TAS2R1: variants seen among roughly 807,000 people sequenced by gnomAD.
TAS2R1 encodes taste receptor type 2 member 1.
For missense variants in TAS2R1, 370 were observed against 353.4 expected, an observed-to-expected ratio of 1.05 and a Z score of -0.38; for synonymous variants, 141 against 134.2, an observed-to-expected ratio of 1.05 and a Z score of -0.35.
chr5:9,829,938 C>T, the TAS2R1 span, among the ~76,000 whole-genome samples: 1 of 152,192 alleles, frequency 6.6e-6, no homozygotes, highest in Non-Finnish European at 1.5e-5. Flanking sequence ...CTAGTCATTC[C>T]TCTAAGAATA....
chr5:9,676,645 C>T (rs1166471040), intron 1 of TAS2R1, among the ~76,000 whole-genome samples: 2 of 151,982 alleles, frequency 1.3e-5, no homozygotes, highest in Non-Finnish European at 1.5e-5. Flanking sequence ...TGCAATACTA[C>T]AAAACTTCTA....
the TAS2R1 span, among the ~76,000 whole-genome samples, chr5:9,853,271 C>T: frequency 9.7e-4 from 148 of 152,330 alleles, 1 homozygote; most frequent in Admixed American, 2.7e-3. Context: ...GTTACAGCTT[C>T]GTGACTGCTC....
intron 2 of TAS2R1, among the ~76,000 whole-genome samples, chr5:9,643,188 T>C (rs1270928954): frequency 2.0e-5 from 3 of 152,192 alleles, no homozygotes; most frequent in African/African-American, 7.2e-5. Flanking sequence ...AAGTAATCGA[T>C]AGACAATTCC....
chr5:9,855,447 C>T, the TAS2R1 span, among the ~76,000 whole-genome samples: 1 of 152,206 alleles, frequency 6.6e-6, no homozygotes, highest in Non-Finnish European at 1.5e-5. Context: ...TGAAGCTCTC[C>T]ATCCTCAGTC....
intron 1 of TAS2R1, among the ~76,000 whole-genome samples, chr5:9,707,672 G>T (rs868277808): frequency 6.6e-6 from 1 of 151,918 alleles, no homozygotes; most frequent in African/African-American, 2.4e-5. Context: ...GACAGAGTGA[G>T]ACTCTGTCTC....
At chr5:9,751,035 C>T in the TAS2R1 span, among the ~76,000 whole-genome samples, 1 of 151,458 alleles carries the variant, frequency 6.6e-6, no homozygotes, top group Admixed American at 6.6e-5. Context: ...ATGACCAGGG[C>T]ATGCAGAATA....
chr5:9,656,243 G>T (rs1013371833), intron 2 of TAS2R1, among the ~76,000 whole-genome samples: 1 of 152,122 alleles, frequency 6.6e-6, no homozygotes, highest in African/African-American at 2.4e-5. Context: ...GAAAATTATC[G>T]AGTATCAGCA....
intron 1 of TAS2R1, among the ~76,000 whole-genome samples, chr5:9,695,604 G>GC (rs1428619662): frequency 6.6e-6 from 1 of 152,126 alleles, no homozygotes; most frequent in Non-Finnish European, 1.5e-5. Flanking sequence ...TGGGAGTATG[G>GC]CTGCATAGAG....
the TAS2R1 span, among the ~76,000 whole-genome samples, chr5:9,730,272 T>C: frequency 6.6e-6 from 1 of 152,172 alleles, no homozygotes; most frequent in Non-Finnish European, 1.5e-5. Context: ...AGGTGCAGTT[T>C]CTCCACCATT....
At chr5:9,827,132 CT>C in the TAS2R1 span, among the ~76,000 whole-genome samples, 1 of 152,196 alleles carries the variant, frequency 6.6e-6, no homozygotes, top group African/African-American at 2.4e-5. Flanking sequence ...CAGGCACCAG[CT>C]TGAGTTCATC....
chr5:9,702,538 C>G (rs1049856435), intron 1 of TAS2R1, among the ~76,000 whole-genome samples: 2 of 152,140 alleles, frequency 1.3e-5, no homozygotes, highest in Non-Finnish European at 2.9e-5. Flanking sequence ...TAGATAAAGA[C>G]TGGAAATGAT....
At chr5:9,636,261 G>A (rs1231712019) in intron 2 of TAS2R1, among the ~76,000 whole-genome samples, 1 of 151,978 alleles carries the variant, frequency 6.6e-6, no homozygotes, top group African/African-American at 2.4e-5. Flanking sequence ...GTTCCTTATG[G>A]AGTTAATTTC....
chr5:9,675,806 A>C (rs968983774), intron 1 of TAS2R1, among the ~76,000 whole-genome samples: 3 of 152,174 alleles, frequency 2.0e-5, no homozygotes, highest in African/African-American at 4.8e-5. Flanking sequence ...GCAAACAGAA[A>C]TCATTTTACT....
At chr5:9,832,057 C>G in the TAS2R1 span, among the ~76,000 whole-genome samples, 10 of 152,322 alleles carry the variant, frequency 6.6e-5, no homozygotes, top group Admixed American at 3.9e-4. Context: ...TCTCTTTCAT[C>G]TACATAACCT....
the TAS2R1 span, among the ~76,000 whole-genome samples, chr5:9,823,367 T>C: frequency 6.6e-6 from 1 of 152,184 alleles, no homozygotes; most frequent in African/African-American, 2.4e-5. Flanking sequence ...GCTGAATATC[T>C]ACTCATATGC....
At chr5:9,877,344 T>A in the TAS2R1 span, among the ~76,000 whole-genome samples, 2 of 152,252 alleles carry the variant, frequency 1.3e-5, no homozygotes, top group African/African-American at 2.4e-5. Flanking sequence ...AAGAAGAGAT[T>A]TTAGAAAACT....
intron 2 of TAS2R1, among the ~76,000 whole-genome samples, chr5:9,635,692 C>G (rs951052698): frequency 2.0e-5 from 3 of 151,422 alleles, no homozygotes; most frequent in Non-Finnish European, 4.4e-5. Context: ...TATATTTTAT[C>G]CATTTCCTCT....
chr5:9,642,489 C>T (rs184144998), intron 2 of TAS2R1, among the ~76,000 whole-genome samples: 2 of 152,256 alleles, frequency 1.3e-5, no homozygotes, highest in African/African-American at 2.4e-5. Context: ...AAATTCACAA[C>T]GTCTTGGTTA....
chr5:9,786,996 G>A, the TAS2R1 span, among the ~76,000 whole-genome samples: 1 of 152,086 alleles, frequency 6.6e-6, no homozygotes, highest in Admixed American at 6.5e-5. Context: ...TTCCATCTAA[G>A]TGGTCTATTT....
Sources: gnomAD v4.1 joint callset for allele counts (sites outside exome capture counted in the v4.1 genomes callset) on GRCh38, gnomAD v4.1.1 for gene constraint, MANE v1.5 for transcripts, NCBI Gene and HGNC (gene_info 2026-07-23, HGNC 2026-07-21) for gene names.